Variants in SEMA3D observed in about 807,000 individuals in gnomAD.
The protein encoded by SEMA3D is semaphorin-3D.
SEMA3D carries 84 observed loss-of-function variants against 100.1 expected under a neutral mutation model. The observed-to-expected ratio is 0.84, with a 90% CI of 0.70 to 1.01. The LOEUF is 1.01. Among genes scored for constraint, SEMA3D ranks in the 50% least tolerant of loss-of-function variants. The pLI, the probability that SEMA3D is intolerant of heterozygous loss-of-function variation, is 0.00. For synonymous variants in SEMA3D, 312 were observed against 320.7 expected (o/e 0.97, Z 0.29); for missense variants, 875 against 934.1 (o/e 0.94, Z 0.82).
At chr7:85,049,200 G>C (rs1019522711) in intron 9 of SEMA3D, among the ~76,000 whole-genome samples, 1 of 151,526 alleles carries the variant, frequency 6.6e-6, no homozygotes, top group Non-Finnish European at 1.5e-5. Context: ...AACTTTTGTG[G>C]CAGCTATTAA....
At chr7:85,123,953 C>T (rs1001578209) in intron 2 of SEMA3D, among the ~76,000 whole-genome samples, 4 of 151,898 alleles carry the variant, frequency 2.6e-5, no homozygotes, top group African/African-American at 9.7e-5. Flanking sequence ...GTCTTTCTGA[C>T]CAAAACCTAC....
chr7:85,071,256 A>G (rs1353223113), intron 6 of SEMA3D, among the ~76,000 whole-genome samples: 1 of 152,162 alleles, frequency 6.6e-6, no homozygotes, highest in Non-Finnish European at 1.5e-5. Flanking sequence ...TTACACCACC[A>G]ACAAAGAATG....
At chr7:85,025,316 A>G (rs1328250557) in intron 12 of SEMA3D, among the ~76,000 whole-genome samples, 1 of 151,992 alleles carries the variant, frequency 6.6e-6, no homozygotes, top group African/African-American at 2.4e-5. Flanking sequence ...CAAAAGAAGA[A>G]GAGAAAATAG....
At chr7:85,023,187 G>C (rs554672433) in intron 12 of SEMA3D, among the ~76,000 whole-genome samples, 68 of 151,938 alleles carry the variant, frequency 4.5e-4, no homozygotes, top group African/African-American at 1.6e-3. Context: ...CAAAGAAACT[G>C]TTAGGGAATT....
intron 2 of SEMA3D, among the ~76,000 whole-genome samples, chr7:85,126,836 A>G (rs1789585297): frequency 6.6e-6 from 1 of 152,166 alleles, no homozygotes; most frequent in Admixed American, 6.6e-5. Flanking sequence ...CCATTGATCA[A>G]GTGCAATAAT....
At chr7:85,154,285 G>T (rs1000777797) in intron 1 of SEMA3D, among the ~76,000 whole-genome samples, 19 of 152,000 alleles carry the variant, frequency 1.3e-4, no homozygotes, top group African/African-American at 4.1e-4. Flanking sequence ...ACATACATTT[G>T]TCAAAGCTCA....
At chr7:85,141,375 G>A (rs1231938147) in intron 2 of SEMA3D, 8 of 984,376 alleles carry the variant, frequency 8.1e-6, no homozygotes, top group Non-Finnish European at 9.6e-6. Context: ...CTATTTCTCA[G>A]TTTTTATTGG....
At chr7:85,144,892 C>G (rs1790158867) in intron 2 of SEMA3D, among the ~76,000 whole-genome samples, 1 of 152,050 alleles carries the variant, frequency 6.6e-6, no homozygotes, top group Non-Finnish European at 1.5e-5. Flanking sequence ...CTGTATTTAT[C>G]TAAGGAGAAC....
chr7:85,020,384 C>T, intron 13 of SEMA3D, 63 bp from the exon 14 acceptor site: 1 of 1,119,102 alleles, frequency 8.9e-7, no homozygotes, highest in East Asian at 2.4e-5. Context: ...GTAAGCATAT[C>T]CCTAGAAACC....
Position 85,055,757 on chromosome 7 carries a change from G to T in SEMA3D, c.821C>A (p.Ser274Tyr). The T allele has an allele frequency of 6.4e-7, 1 of 1,561,420 alleles. No homozygotes were observed. The change falls in exon 9 of 19, where the codon TCC becomes TAC. Residue 274 changes from serine to tyrosine, a missense_variant. Ser to Tyr is a moderately radical substitution (Grantham distance 144). Coordinates refer to ENST00000284136, the MANE Select transcript of SEMA3D (RefSeq NM_001384900.1). ...FRESSQEGST[S>Y]DKTILSRVGR... The stretch of plus-strand genomic sequence containing the variant: ...AACTCGAGAAAGGATGGTTTTATCG[G>T]AGGTACTGCCTTCTTGAGATGATTC...
chr7:85,063,749 T>A (rs778045318), intron 8 of SEMA3D, among the ~76,000 whole-genome samples: 1 of 152,160 alleles, frequency 6.6e-6, no homozygotes, highest in Non-Finnish European at 1.5e-5. Flanking sequence ...TAAGTTACCT[T>A]TAGAAAAACA....
chr7:85,238,970 T>TA, the SEMA3D span, among the ~76,000 whole-genome samples: 95 of 152,270 alleles, frequency 6.2e-4, no homozygotes, highest in Admixed American at 1.2e-3. Flanking sequence ...TACTGCATTT[T>TA]AAAAAACTTT....
the SEMA3D span, among the ~76,000 whole-genome samples, chr7:85,192,247 A>C: frequency 6.6e-6 from 1 of 152,114 alleles, no homozygotes; most frequent in African/African-American, 2.4e-5. Flanking sequence ...CTGATCAAGA[A>C]AATGACTTTC....
intron 2 of SEMA3D, among the ~76,000 whole-genome samples, chr7:85,128,550 A>G (rs1789630850): frequency 6.6e-6 from 1 of 152,090 alleles, no homozygotes; most frequent in East Asian, 1.9e-4. Context: ...TTTTTATCAA[A>G]ACTAAGCAAT....
intron 2 of SEMA3D, among the ~76,000 whole-genome samples, chr7:85,136,391 T>C (rs2067487938): frequency 6.6e-6 from 1 of 152,236 alleles, no homozygotes; most frequent in South Asian, 2.1e-4. Flanking sequence ...CCAGGGATTA[T>C]CATAAGCATC....
At chr7:85,080,731 A>G (rs1399785684) in intron 5 of SEMA3D, among the ~76,000 whole-genome samples, 2 of 152,242 alleles carry the variant, frequency 1.3e-5, no homozygotes, top group South Asian at 2.1e-4. Context: ...TGAGGAGAGG[A>G]GCCAGTCAGA....
intron 3 of SEMA3D, among the ~76,000 whole-genome samples, chr7:85,109,101 A>G (rs1789015321): frequency 6.6e-6 from 1 of 151,918 alleles, no homozygotes; most frequent in African/African-American, 2.4e-5. Flanking sequence ...AATTAAAAAC[A>G]TGTATGGTCT....
At chr7:85,115,802 C>T (rs1195765530) in intron 3 of SEMA3D, among the ~76,000 whole-genome samples, 1 of 152,070 alleles carries the variant, frequency 6.6e-6, no homozygotes, top group East Asian at 1.9e-4. Flanking sequence ...ACAAAGGCAA[C>T]TGTTATCATA....
chr7:85,149,040 A>G (rs1159989462), intron 2 of SEMA3D, among the ~76,000 whole-genome samples: 1 of 152,082 alleles, frequency 6.6e-6, no homozygotes, highest in African/African-American at 2.4e-5. Flanking sequence ...AACCATTTGC[A>G]CAATAAAAGG....
Sources: gnomAD v4.1 joint callset for allele counts (sites outside exome capture counted in the v4.1 genomes callset) on GRCh38, gnomAD v4.1.1 for gene constraint, MANE v1.5 for transcripts, NCBI Gene and HGNC (gene_info 2026-07-23, HGNC 2026-07-21) for gene names.